The following ZNF521 variants were observed in gnomAD, a reference collection of about 807,000 sequenced individuals.
ZNF521 encodes the protein zinc finger protein 521, also known as LYST-interacting protein 3.
In ZNF521, 14 loss-of-function variants were observed where a neutral mutation model predicts 105.5. The observed-to-expected ratio is 0.13, with a 90% CI of 0.09 to 0.21. The LOEUF is 0.21. Among genes scored for constraint, ZNF521 ranks in the 10% least tolerant of loss-of-function variants. The pLI is 1.00. For missense variants in ZNF521, 1,233 were observed against 1,629.7 expected, an observed-to-expected ratio of 0.76 and a Z score of 4.19; for synonymous variants, 635 against 606.0, an observed-to-expected ratio of 1.05 and a Z score of -0.70.
chr18:25,181,410 G>A (rs771742831), intron 5 of ZNF521, among the ~76,000 whole-genome samples: 2 of 152,130 alleles, frequency 1.3e-5, no homozygotes, highest in Non-Finnish European at 2.9e-5. Context: ...TTACTTACGG[G>A]AAATGACAAG....
intron 3 of ZNF521, among the ~76,000 whole-genome samples, chr18:25,289,399 T>C (rs1330178509): frequency 6.6e-6 from 1 of 152,298 alleles, no homozygotes; most frequent in East Asian, 1.9e-4. Context: ...CCTCAGTGAT[T>C]ATGCGAACAG....
At chr18:25,332,775 C>T (rs1568083581) in intron 2 of ZNF521, among the ~76,000 whole-genome samples, 1 of 152,072 alleles carries the variant, frequency 6.6e-6, no homozygotes, top group Non-Finnish European at 1.5e-5. Flanking sequence ...TGTACTTTTT[C>T]CTACAGAATG....
chr18:25,200,163 A>G (rs898367098), intron 4 of ZNF521, among the ~76,000 whole-genome samples: 2 of 152,150 alleles, frequency 1.3e-5, no homozygotes, highest in Non-Finnish European at 2.9e-5. Flanking sequence ...TTACAATTAC[A>G]TTTTAGGTGC....
intron 2 of ZNF521, among the ~76,000 whole-genome samples, chr18:25,334,100 C>G (rs1913744425): frequency 1.3e-5 from 2 of 152,190 alleles, no homozygotes; most frequent in African/African-American, 2.4e-5. Flanking sequence ...TAAAATATCT[C>G]CCAGATCAGC....
chr18:25,094,004 T>A (rs1354456383), intron 5 of ZNF521, among the ~76,000 whole-genome samples: 1 of 152,188 alleles, frequency 6.6e-6, no homozygotes, highest in African/African-American at 2.4e-5. Flanking sequence ...CATACCTTTA[T>A]TTTGAATAGT....
chr18:25,175,842 T>C (rs987807729), intron 5 of ZNF521, among the ~76,000 whole-genome samples: 2 of 152,170 alleles, frequency 1.3e-5, no homozygotes, highest in African/African-American at 4.8e-5. Context: ...CTTTTAAAAA[T>C]AATAAATGGA....
At chr18:25,317,114 C>T (rs1912677247) in intron 3 of ZNF521, among the ~76,000 whole-genome samples, 2 of 152,208 alleles carry the variant, frequency 1.3e-5, no homozygotes, top group South Asian at 4.2e-4. Context: ...ACCTCAACCT[C>T]CCAAAGTGCT....
At chr18:25,107,619 T>C (rs568626534) in intron 5 of ZNF521, among the ~76,000 whole-genome samples, 48 of 152,196 alleles carry the variant, frequency 3.2e-4, no homozygotes, top group Non-Finnish European at 6.0e-4. Flanking sequence ...ACCACTAAAC[T>C]GTGAATGCAC....
At chr18:25,149,913 C>A (rs1367351568) in intron 5 of ZNF521, among the ~76,000 whole-genome samples, 1 of 152,120 alleles carries the variant, frequency 6.6e-6, no homozygotes, top group East Asian at 1.9e-4. Context: ...ATTCTGAGAA[C>A]CACCCCTCTA....
intron 3 of ZNF521, among the ~76,000 whole-genome samples, chr18:25,283,618 C>T (rs1246677984): frequency 6.6e-6 from 1 of 151,998 alleles, no homozygotes; most frequent in Non-Finnish European, 1.5e-5. Context: ...CAGAAAAATC[C>T]AAGAATATTA....
intron 5 of ZNF521, among the ~76,000 whole-genome samples, chr18:25,128,596 C>A (rs1206355346): frequency 6.6e-6 from 1 of 152,056 alleles, no homozygotes; most frequent in Admixed American, 6.6e-5. Context: ...AACTAATAAG[C>A]AATTACAGCA....
chr18:25,343,192 T>C (rs1914304973), intron 2 of ZNF521, among the ~76,000 whole-genome samples: 7 of 152,152 alleles, frequency 4.6e-5, no homozygotes, highest in Admixed American at 4.6e-4. Flanking sequence ...AGTATACTGA[T>C]GGGATAATAA....
intron 3 of ZNF521, among the ~76,000 whole-genome samples, chr18:25,243,770 AT>A (rs1907512366): frequency 6.6e-6 from 1 of 152,176 alleles, no homozygotes; most frequent in African/African-American, 2.4e-5. Context: ...GTTTTCATAA[AT>A]TTTTTAAAAT....
intron 3 of ZNF521, among the ~76,000 whole-genome samples, chr18:25,318,992 T>C (rs1912793457): frequency 6.6e-6 from 1 of 151,380 alleles, no homozygotes; most frequent in Non-Finnish European, 1.5e-5. Flanking sequence ...TGCTGGCTGA[T>C]TGCAGGACTA....
At chr18:25,345,497 A>G (rs1914422020) in intron 2 of ZNF521, 1 of 152,236 alleles carries the variant, frequency 6.6e-6, no homozygotes, top group African/African-American at 2.4e-5. Context: ...TGAATAAAAG[A>G]CAACAATCCA....
chr18:25,249,060 C>A (rs1054041402), intron 3 of ZNF521, among the ~76,000 whole-genome samples: 1 of 152,176 alleles, frequency 6.6e-6, no homozygotes, highest in East Asian at 1.9e-4. Flanking sequence ...TTTTGACAAT[C>A]CTTGAATTAC....
At chr18:25,122,157 T>C (rs1418319267) in intron 5 of ZNF521, among the ~76,000 whole-genome samples, 1 of 151,646 alleles carries the variant, frequency 6.6e-6, no homozygotes, top group Non-Finnish European at 1.5e-5. Flanking sequence ...AGATGAAAAA[T>C]ACAGATGGAT....
At chr18:25,321,059 G>A (rs977167915) in intron 3 of ZNF521, among the ~76,000 whole-genome samples, 1 of 152,178 alleles carries the variant, frequency 6.6e-6, no homozygotes, top group Non-Finnish European at 1.5e-5. Context: ...GTGGAAAACA[G>A]TCAGAGAACC....
intron 3 of ZNF521, among the ~76,000 whole-genome samples, chr18:25,295,027 CT>C (rs1222208023): frequency 1.3e-5 from 2 of 152,082 alleles, no homozygotes; most frequent in Non-Finnish European, 2.9e-5. Flanking sequence ...ATAAACAACA[CT>C]CATATAACTA....
Sources: gnomAD v4.1 joint callset for allele counts (sites outside exome capture counted in the v4.1 genomes callset) on GRCh38, gnomAD v4.1.1 for gene constraint, MANE v1.5 for transcripts, NCBI Gene and HGNC (gene_info 2026-07-23, HGNC 2026-07-21) for gene names.